Variants in C4orf51 observed in about 807,000 individuals in gnomAD.
The protein encoded by C4orf51 is chromosome 4 open reading frame 51, also known as uncharacterized protein C4orf51.
In C4orf51, 25 loss-of-function variants were observed where a neutral mutation model predicts 25.2. That is an observed-to-expected ratio of 0.99 (90% confidence interval 0.72 to 1.39). C4orf51 has a LOEUF of 1.39. Among genes scored for constraint, C4orf51 ranks in the 40% most tolerant of loss-of-function variants. The pLI is 0.00. For missense variants in C4orf51, 252 were observed against 239.6 expected (o/e 1.05, Z -0.34); for synonymous variants, 100 against 84.5 (o/e 1.18, Z -1.01).
intron 1 of C4orf51, among the ~76,000 whole-genome samples, chr4:145,743,582 C>T (rs972552290): frequency 2.6e-5 from 4 of 152,222 alleles, no homozygotes; most frequent in Non-Finnish European, 5.9e-5. Flanking sequence ...AACACATGAA[C>T]TTTGGGAGAT....
intron 1 of C4orf51, among the ~76,000 whole-genome samples, chr4:145,750,285 C>T (rs915497413): frequency 5.9e-5 from 9 of 151,976 alleles, no homozygotes; most frequent in African/African-American, 2.2e-4. Flanking sequence ...TAAAGAACTC[C>T]CTTTAGCATT....
chr4:145,760,969 G>C, intron 1 of C4orf51: 1 of 1,242,318 alleles, frequency 8.0e-7, no homozygotes, highest in Non-Finnish European at 1.0e-6. Context: ...AAAGCGCAAA[G>C]GGGAGCCGTT....
intron 1 of C4orf51, chr4:145,760,111 A>C (rs1734284998): frequency 6.6e-6 from 1 of 152,204 alleles, no homozygotes; most frequent in African/African-American, 2.4e-5. Context: ...TCTGGCGGAA[A>C]TCTCCAGCAG....
intron 2 of C4orf51, among the ~76,000 whole-genome samples, chr4:145,708,507 G>A (rs535462109): frequency 3.4e-4 from 52 of 152,164 alleles, no homozygotes; most frequent in Non-Finnish European, 6.2e-4. Context: ...ATCCTATATG[G>A]GGCATCCCCT....
At chr4:145,717,601 G>A (rs1055750590) in intron 2 of C4orf51, among the ~76,000 whole-genome samples, 4 of 152,130 alleles carry the variant, frequency 2.6e-5, no homozygotes, top group Non-Finnish European at 5.9e-5. Context: ...GTGGACTTTG[G>A]TCAACTTGTT....
At chr4:145,776,184 C>G in the C4orf51 span, among the ~76,000 whole-genome samples, 2 of 152,258 alleles carry the variant, frequency 1.3e-5, no homozygotes, top group South Asian at 4.1e-4. Context: ...CGGCTGGGCA[C>G]TGTGGCTCAC....
intron 2 of C4orf51, among the ~76,000 whole-genome samples, chr4:145,720,623 C>A (rs1205646986): frequency 1.3e-5 from 2 of 152,184 alleles, no homozygotes; most frequent in Non-Finnish European, 2.9e-5. Context: ...CTAGCAGAGA[C>A]TGATTTTAGC....
At chr4:145,698,638 T>G (rs1007431524) in intron 2 of C4orf51, among the ~76,000 whole-genome samples, 3 of 152,170 alleles carry the variant, frequency 2.0e-5, no homozygotes, top group Non-Finnish European at 4.4e-5. Flanking sequence ...CTATCAGTCT[T>G]AAGGTCTCTC....
chr4:145,769,549 A>G (rs1041435915), intron 1 of C4orf51, among the ~76,000 whole-genome samples: 1 of 152,234 alleles, frequency 6.6e-6, no homozygotes, highest in African/African-American at 2.4e-5. Flanking sequence ...TAAAGATACA[A>G]TGTGCTGTGC....
chr4:145,774,739 G>T, downstream of C4orf51: 1 of 1,525,678 alleles, frequency 6.6e-7, no homozygotes. Context: ...AATGTAGGCT[G>T]TCCATTTATA....
At chr4:145,729,633 T>G (rs2126770914) in intron 4 of C4orf51, among the ~76,000 whole-genome samples, 1 of 152,274 alleles carries the variant, frequency 6.6e-6, no homozygotes, top group South Asian at 2.1e-4. Flanking sequence ...CTTTTGCATT[T>G]CTGCTTCCTT....
chr4:145,744,036 C>T (rs1733233688), intron 1 of C4orf51, among the ~76,000 whole-genome samples: 1 of 152,212 alleles, frequency 6.6e-6, no homozygotes, highest in South Asian at 2.1e-4. Flanking sequence ...ACACGCATTT[C>T]TTCTATTGGT....
chr4:145,688,006 C>G (rs1010717778), intron 1 of C4orf51, among the ~76,000 whole-genome samples: 9 of 151,930 alleles, frequency 5.9e-5, no homozygotes, highest in African/African-American at 2.2e-4. Flanking sequence ...ATGCCACATA[C>G]CAGCCTGGGC....
chr4:145,711,439 G>A (rs765454744), intron 2 of C4orf51, among the ~76,000 whole-genome samples: 8 of 152,124 alleles, frequency 5.3e-5, no homozygotes, highest in South Asian at 4.1e-4. Context: ...CTGGCTGTCC[G>A]TATCTCTCTC....
downstream of C4orf51, among the ~76,000 whole-genome samples, chr4:145,772,437 C>T (rs919841588): frequency 2.6e-5 from 4 of 152,174 alleles, no homozygotes; most frequent in Non-Finnish European, 4.4e-5. Flanking sequence ...ATACTAAATA[C>T]AGGAAACCCT....
intron 1 of C4orf51, among the ~76,000 whole-genome samples, chr4:145,745,381 C>A (rs1023454742): frequency 6.7e-6 from 1 of 148,424 alleles, no homozygotes; most frequent in Non-Finnish European, 1.5e-5. Context: ...CCCCTAGAAC[C>A]CTTCCCAGAC....
At chr4:145,704,084 G>A (rs1020398771) in intron 2 of C4orf51, among the ~76,000 whole-genome samples, 3 of 152,204 alleles carry the variant, frequency 2.0e-5, no homozygotes, top group African/African-American at 7.2e-5. Context: ...GGTAAATCAG[G>A]CTTAGTGGCA....
chr4:145,693,844 ACCC>A (rs1435778384), intron 1 of C4orf51, among the ~76,000 whole-genome samples: 2 of 43,428 alleles, frequency 4.6e-5, no homozygotes, highest in African/African-American at 1.2e-4. Flanking sequence ...GGGGGGGCTG[ACCC>A]CCCCCACCTC....
downstream of C4orf51, among the ~76,000 whole-genome samples, chr4:145,773,622 G>A (rs978173938): frequency 2.6e-5 from 4 of 152,182 alleles, no homozygotes; most frequent in African/African-American, 9.7e-5. Flanking sequence ...ACCATCACTT[G>A]TGAGAGTATA....
Sources: gnomAD v4.1 joint callset for allele counts (sites outside exome capture counted in the v4.1 genomes callset) on GRCh38, gnomAD v4.1.1 for gene constraint, MANE v1.5 for transcripts, NCBI Gene and HGNC (gene_info 2026-07-23, HGNC 2026-07-21) for gene names.